PIK3CG: variants seen among roughly 807,000 people sequenced by gnomAD.
PIK3CG encodes phosphatidylinositol 4,5-bisphosphate 3-kinase catalytic subunit gamma isoform.
Under a neutral mutation model 102.3 loss-of-function variants are expected in PIK3CG, and 55 were observed. The ratio of observed to expected loss-of-function variants is 0.54; its 90% CI spans 0.43 to 0.67. The LOEUF is 0.67. Among genes scored for constraint, PIK3CG ranks in the 30% least tolerant of loss-of-function variants. The probability of loss-of-function intolerance (pLI) is 0.00; values close to 1 mark genes in which losing one functional copy is unlikely to be tolerated. For missense variants in PIK3CG, 1,258 were observed against 1,391.8 expected, an observed-to-expected ratio of 0.90 and a Z score of 1.53; for synonymous variants, 552 against 540.0, an observed-to-expected ratio of 1.02 and a Z score of -0.31.
chr7:106,891,821 G>T lies in PIK3CG; in HGVS notation c.3030+5529G>T, dbSNP rs1377142702. 6.6e-6 allele frequency among the ~76,000 whole-genome samples: 1 copy of T among 151,782 alleles called. No individual in the cohort carries two copies. The highest frequency in any genetic ancestry group is 2.1e-4 in the South Asian group (1 of 4,806). On this transcript the variant is annotated intron_variant, in intron 10 of 10. Coordinates refer to ENST00000496166, the MANE Select transcript of PIK3CG (RefSeq NM_001282426.2). The surrounding 1 kb of genome is among the most constrained non-coding windows in gnomAD (Gnocchi z 4.4). ...CTAGGATGACTGTGGAAATTTTCTT[G>T]CCAGTTTTATCAGGCCCACCCTGTT...
chr7:106,881,200 A>G (rs893132325), intron 6 of PIK3CG, among the ~76,000 whole-genome samples: 1 of 152,160 alleles, frequency 6.6e-6, no homozygotes, highest in African/African-American at 2.4e-5. Flanking sequence ...TTAATCGCCA[A>G]AATTGCTGGG....
rs1791374082 is a variant in PIK3CG, at chr7:106,895,168, A to C, written c.3030+8876A>C. Among the ~76,000 whole-genome samples the C allele has an allele frequency of 6.6e-6, 1 of 152,214 alleles. No individual in the cohort carries two copies. Among genetic ancestry groups the C allele is most frequent in the African/African-American group, 2.4e-5 (1 of 41,452 alleles). ...ACAAGTGCATTAAACCAAGTCCTCGAAGTCAGATTTTTCCCTTACTCTTCT... is the reference window on the plus strand; with the variant it reads ...ACAAGTGCATTAAACCAAGTCCTCGCAGTCAGATTTTTCCCTTACTCTTCT... On this transcript the variant is annotated intron_variant, in intron 10 of 10. Coordinates refer to ENST00000496166, the MANE Select transcript of PIK3CG (RefSeq NM_001282426.2). This position sits in a 1 kb window ranked among gnomAD's most constrained non-coding sequence, Gnocchi z 5.4.
rs1394600508 is a variant in PIK3CG at position 106,893,568 on chromosome 7, ACTCT to A, written c.3030+7281_3030+7284del. ...CATTGTTTACCATATTACAAAACAT[ACTCT>A]CTCTATTAAGATCTTCTTGTGAAAA... On this transcript the variant is annotated intron_variant, in intron 10 of 10. Coordinates refer to ENST00000496166, the MANE Select transcript of PIK3CG (RefSeq NM_001282426.2). The surrounding 1 kb of genome is among the most constrained non-coding windows in gnomAD (Gnocchi z 4.4). 2.6e-5 allele frequency among the ~76,000 whole-genome samples: 4 copies of A among 152,138 alleles called. No individual in the cohort carries two copies. Among genetic ancestry groups the A allele is most frequent in the Non-Finnish European group, 4.4e-5 (3 of 68,026 alleles).
chr7:106,905,725 A>G lies in PIK3CG; in HGVS notation c.*338A>G. On this transcript the variant is annotated 3_prime_UTR_variant, in exon 11 of 11. Coordinates refer to ENST00000496166, the MANE Select transcript of PIK3CG (RefSeq NM_001282426.2). This position sits in a 1 kb window ranked among gnomAD's most constrained non-coding sequence, Gnocchi z 5.6. ...TGAGTGCTTCTGGAAATTCTTTGGAATAATTGATGACATCTATTTTCATCT... is the reference window on the plus strand; with the variant it reads ...TGAGTGCTTCTGGAAATTCTTTGGAGTAATTGATGACATCTATTTTCATCT... 2 of 294,334 alleles carry G rather than the reference A, an allele frequency of 6.8e-6. No individual in the cohort carries two copies. The highest frequency in any genetic ancestry group is 1.3e-5 in the Non-Finnish European group (2 of 157,962). The allele number at this position is 294,334 out of a possible 1,614,324, so 18.2% of individuals were successfully genotyped here. A position where few individuals can be genotyped will look rare whatever the true frequency, so the allele number is the denominator to read the frequency against.
In PIK3CG at chr7:106,874,149, C is replaced by T. The variant is rs955737147; in HGVS notation, c.2288-551C>T. Among the ~76,000 whole-genome samples, 16 of 152,138 alleles carry T rather than the reference C, an allele frequency of 1.1e-4. No individual in the cohort carries two copies. ...ATTTTAAGAAAGGAAAACATTTGTA[C>T]TGACCCTCATTCTGTCAGTCATCCA... On this transcript the variant is annotated intron_variant, in intron 4 of 10. Transcript: ENST00000496166. The surrounding 1 kb of genome is among the most constrained non-coding windows in gnomAD (Gnocchi z 4.3).
rs867282260 is a variant in PIK3CG, at chr7:106,869,191, C to T, written c.1630C>T (p.Arg544Ter). ...PTPDPEGDRV[R>*]AEMPNQLRKQ... The stretch of plus-strand genomic sequence containing the variant: ...CCCTGACCCGGAAGGGGACCGGGTT[C>T]GAGCAGAAATGCCCAACCAGCTTCG... The change falls in exon 2 of 11, where the codon CGA (arginine) becomes TGA (stop). Residue 544 changes from arginine to a stop codon, truncating the protein, a stop_gained. Coordinates refer to ENST00000496166, the MANE Select transcript of PIK3CG (RefSeq NM_001282426.2). LOFTEE classifies it high-confidence loss of function. This position sits in a 1 kb window ranked among gnomAD's most constrained non-coding sequence, Gnocchi z 5.3. 1 of 1,614,202 alleles carries T rather than the reference C, an allele frequency of 6.2e-7. No homozygotes were observed.
At position 106,879,407 on chromosome 7, in the gene PIK3CG, C is replaced by T; in HGVS notation, c.2392-112C>T. ...CCAAATATTGAAAATCATTCTCCAA[C>T]TAGGACTTTGTCCTTGTTGTTTATA... On this transcript the variant is annotated intron_variant, in intron 5 of 10. Transcript: ENST00000496166. This position sits in a 1 kb window ranked among gnomAD's most constrained non-coding sequence, Gnocchi z 4.9. The T allele has an allele frequency of 3.4e-6, 3 of 892,452 alleles. No homozygotes were observed. The highest frequency in any genetic ancestry group is 2.9e-5 in the South Asian group (2 of 69,602). 55.3% of individuals were successfully genotyped at this position (892,452 alleles called of 1,614,324 possible).
intron 6 of PIK3CG, among the ~76,000 whole-genome samples, chr7:106,881,183 G>A (rs535437533): frequency 2.0e-5 from 3 of 152,146 alleles, no homozygotes; most frequent in Non-Finnish European, 4.4e-5. Context: ...TTCTAGGCAC[G>A]AGCCAGTTAA....
rs982301440 is a variant in PIK3CG at position 106,867,813 on chromosome 7, G to A, written c.252G>A (p.Ala84=). 5 of 1,612,348 alleles carry A rather than the reference G, an allele frequency of 3.1e-6. No homozygotes were observed. The highest frequency in any genetic ancestry group is 4.5e-5 in the East Asian group (2 of 44,866). Residue 84 remains alanine (A), a synonymous_variant, in exon 2 of 11, where the codon GCG becomes GCA. Transcript: ENST00000496166. The surrounding 1 kb of genome is among the most constrained non-coding windows in gnomAD (Gnocchi z 5.1). ...TGCGAGCGCTGGAGACCAGCGTGGCGGCGGACTTCTACCACCGGCTGGGAC... is the reference window on the plus strand; with the variant it reads ...TGCGAGCGCTGGAGACCAGCGTGGCAGCGGACTTCTACCACCGGCTGGGAC... ...VWLRALETSV[A]ADFYHRLGPH...
In PIK3CG at chr7:106,874,797, G is replaced by A. The variant is rs370008815; in HGVS notation, c.2385G>A (p.Ala795=). The change falls in exon 5 of 11, where the codon GCG becomes GCA. Residue 795 remains alanine (A), a synonymous_variant. Transcript: ENST00000496166. The surrounding 1 kb of genome is among the most constrained non-coding windows in gnomAD (Gnocchi z 4.3). ...ATGATCCTGGACTGAAAGCAGGAGC[G>A]CTGGCAGTAGGTATCACTTGGATGT... ...VPYDPGLKAG[A]LAIEKCKVMA... is the part of the protein sequence containing the mutation. The A allele has an allele frequency of 2.2e-5, 36 of 1,605,668 alleles. 1 individual carries two copies. The highest frequency in any genetic ancestry group is 1.1e-4 in the African/African-American group (8 of 74,712).
At position 106,869,335 on chromosome 7, in the gene PIK3CG, C is replaced by A. The variant is rs1435936856; in HGVS notation, c.1774C>A (p.Leu592Ile). The A allele has an allele frequency of 6.2e-7, 1 of 1,614,234 alleles. No individual in the cohort carries two copies. Among genetic ancestry groups the A allele is most frequent in the South Asian group, 1.1e-5 (1 of 91,086 alleles). The change falls in exon 2 of 11, where the codon CTA becomes ATA. Residue 592 changes from leucine (L) to isoleucine (I), a missense_variant. By Grantham distance (5) the Leu-to-Ile change is conservative (BLOSUM62 2). This residue lies in a region of PIK3CG where 832 missense variants were observed against 787.5 expected (regional missense o/e 1.06). Coordinates refer to ENST00000496166, the MANE Select transcript of PIK3CG (RefSeq NM_001282426.2). The surrounding 1 kb of genome is among the most constrained non-coding windows in gnomAD (Gnocchi z 5.3). ...TAAGCACCCAAAAGCATATCCTAAGCTATTTAGTTCAGTGAAATGGGGACA... is the reference window on the plus strand; with the variant it reads ...TAAGCACCCAAAAGCATATCCTAAGATATTTAGTTCAGTGAAATGGGGACA... ...SLKHPKAYPK[L>I]FSSVKWGQQE...
Position 106,905,004 on chromosome 7 carries a change from C to T in PIK3CG, c.3031-105C>T. The T allele has an allele frequency of 1.0e-6, 1 of 987,738 alleles. No homozygotes were observed. Among genetic ancestry groups the T allele is most frequent in the Admixed American group, 2.3e-5 (1 of 43,442 alleles). The allele number at this position is 987,738 out of a possible 1,614,324, so 61.2% of individuals were successfully genotyped here. A position where few individuals can be genotyped will look rare whatever the true frequency, so the allele number is the denominator to read the frequency against. ...GGCAGGGACCTTGATGGTTTCTTCT[C>T]ATGGACAGGTAACTCTATGTACATT... On this transcript the variant is annotated intron_variant, in intron 10 of 10. Coordinates refer to ENST00000496166, the MANE Select transcript of PIK3CG (RefSeq NM_001282426.2). The surrounding 1 kb of genome is among the most constrained non-coding windows in gnomAD (Gnocchi z 5.6).
rs1791246481 is a variant in PIK3CG, at chr7:106,890,847, C to T, written c.3030+4555C>T. 6.6e-6 allele frequency among the ~76,000 whole-genome samples: 1 copy of T among 152,210 alleles called. No individual in the cohort carries two copies. Among genetic ancestry groups the T allele is most frequent in the African/African-American group, 2.4e-5 (1 of 41,458 alleles). On this transcript the variant is annotated intron_variant, in intron 10 of 10. Transcript: ENST00000496166. The surrounding 1 kb of genome is among the most constrained non-coding windows in gnomAD (Gnocchi z 4.2). Reference sequence around the variant, plus strand: ...CTCATCTGCTCCCTCATCACTGTGGCCTTCCTCCACATCTTCCCCCATCCC... The same window carrying T: ...CTCATCTGCTCCCTCATCACTGTGGTCTTCCTCCACATCTTCCCCCATCCC...
chr7:106,885,004 C>T (rs181362450), intron 9 of PIK3CG, among the ~76,000 whole-genome samples: 3 of 152,278 alleles, frequency 2.0e-5, no homozygotes, highest in African/African-American at 7.2e-5. Flanking sequence ...AATGCTGCAA[C>T]TGATCTGACA....
Position 106,902,064 on chromosome 7 carries a change from G to A in PIK3CG, c.3031-3045G>A, listed in dbSNP as rs1211035013. Among the ~76,000 whole-genome samples the A allele has an allele frequency of 1.3e-5, 2 of 152,178 alleles. No individual in the cohort carries two copies. Among genetic ancestry groups the A allele is most frequent in the Non-Finnish European group, 2.9e-5 (2 of 68,030 alleles). ...ACTGCAGCTCTTGTGTAATCTCAGT[G>A]TTTATGTTCCTTTCCCAACTTGGAG... On this transcript the variant is annotated intron_variant, in intron 10 of 10. Coordinates refer to ENST00000496166, the MANE Select transcript of PIK3CG (RefSeq NM_001282426.2). The surrounding 1 kb of genome is among the most constrained non-coding windows in gnomAD (Gnocchi z 4.3).
At chr7:106,898,680 G>C (rs1439409769) in intron 10 of PIK3CG, among the ~76,000 whole-genome samples, 1 of 152,148 alleles carries the variant, frequency 6.6e-6, no homozygotes, top group Non-Finnish European at 1.5e-5. Context: ...TCAAAGATTA[G>C]ACAGTCATAG....
At position 106,891,847 on chromosome 7, in the gene PIK3CG, T is replaced by A. The variant is rs560332788; in HGVS notation, c.3030+5555T>A. Among the ~76,000 whole-genome samples the A allele has an allele frequency of 1.1e-4, 17 of 152,046 alleles. No individual in the cohort carries two copies. In the South Asian group the frequency reaches 3.5e-3, roughly 32 times the overall value. ...CCAGTTTTATCAGGCCCACCCTGTT[T>A]CCAGTTCCGCAGTCTTATCCCCATG... On this transcript the variant is annotated intron_variant, in intron 10 of 10. Transcript: ENST00000496166. The surrounding 1 kb of genome is among the most constrained non-coding windows in gnomAD (Gnocchi z 4.4).
chr7:106,886,028 A>C, intron 9 of PIK3CG, 107 bp from the exon 10 acceptor site: 1 of 977,140 alleles, frequency 1.0e-6, no homozygotes, highest in South Asian at 1.8e-5. Flanking sequence ...ACATTGTAAA[A>C]AATGCTTTCA....
At position 106,894,287 on chromosome 7, in the gene PIK3CG, C is replaced by T. The variant is rs1037528098; in HGVS notation, c.3030+7995C>T. ...ACACACACACACACCCCTACGTGCA[C>T]GCTATCAGAATATTGACTAAAGTAG... is the stretch of plus-strand genomic sequence containing the variant. On this transcript the variant is annotated intron_variant, in intron 10 of 10. Transcript: ENST00000496166. This position sits in a 1 kb window ranked among gnomAD's most constrained non-coding sequence, Gnocchi z 4.4. Among the ~76,000 whole-genome samples, 22 of 152,172 alleles carry T rather than the reference C, an allele frequency of 1.4e-4. 1 individual carries two copies. The highest frequency in any genetic ancestry group is 1.2e-3 in the East Asian group (6 of 5,180).
Sources: allele counts gnomAD v4.1 joint callset (sites outside exome capture counted in the v4.1 genomes callset), GRCh38; gene constraint gnomAD v4.1.1; regional missense constraint gnomAD v4.1.1; non-coding constraint Gnocchi (gnomAD v3.1); transcripts MANE v1.5; gene names NCBI Gene and HGNC (gene_info 2026-07-23, HGNC 2026-07-21).